Variants in WASHC4 observed in about 807,000 individuals in gnomAD.
The protein encoded by WASHC4 is WASH complex subunit 7.
Under a neutral mutation model 166.6 loss-of-function variants are expected in WASHC4, and 86 were observed. That is an observed-to-expected ratio of 0.52 (90% CI 0.43 to 0.62). The LOEUF (loss-of-function observed/expected upper bound fraction) is 0.62, where lower values mean the gene tolerates loss of function less well. Among genes scored for constraint, WASHC4 ranks in the 20% least tolerant of loss-of-function variants. WASHC4 has a pLI of 0.00. For synonymous variants in WASHC4, 446 were observed against 451.6 expected, an observed-to-expected ratio of 0.99 and a Z score of 0.16; for missense variants, 1,262 against 1,382.4, an observed-to-expected ratio of 0.91 and a Z score of 1.38.
chr12:105,165,673 A>T (rs1209440954), intron 32 of WASHC4, among the ~76,000 whole-genome samples: 1 of 152,140 alleles, frequency 6.6e-6, no homozygotes, highest in Non-Finnish European at 1.5e-5. Flanking sequence ...CTTTATATAG[A>T]GTAGAGGTGA....
At chr12:105,131,088 T>A (rs1055752024) in intron 13 of WASHC4, among the ~76,000 whole-genome samples, 5 of 150,406 alleles carry the variant, frequency 3.3e-5, no homozygotes, top group East Asian at 1.9e-4. Context: ...ATTTATTTTT[T>A]TTTTTTTTTG....
At chr12:105,122,021 AT>A (rs1640107304) in intron 9 of WASHC4, 96 bp from the exon 10 acceptor site, 1 of 831,270 alleles carries the variant, frequency 1.2e-6, no homozygotes, top group Non-Finnish European at 1.9e-6. Context: ...CAAACAAGAA[AT>A]ATAAATATAA....
chr12:105,157,887 C>T (rs1025398167), intron 28 of WASHC4, among the ~76,000 whole-genome samples: 25 of 456 alleles, frequency 0.055, no homozygotes, highest in African/African-American at 0.16. Flanking sequence ...GGACTTGAGT[C>T]AGTTGTGCAT....
chr12:105,157,192 T>G, intron 27 of WASHC4, 44 bp from the exon 28 acceptor site: 1 of 970,202 alleles, frequency 1.0e-6, no homozygotes, highest in Non-Finnish European at 1.7e-6. Flanking sequence ...CAATTGCACA[T>G]ATTTTACTTG....
chr12:105,115,770 G>C, intron 6 of WASHC4, 42 bp downstream of exon 6: 1 of 1,289,154 alleles, frequency 7.8e-7, no homozygotes, highest in East Asian at 2.3e-5. Flanking sequence ...ACTTCAAAAA[G>C]TTTGAGTAAA....
At position 105,147,239 on chromosome 12, in the gene WASHC4, C is replaced by T. The variant is rs963293896; in HGVS notation, c.2514+93C>T. ...CATAGAATATTGCGGTAAACATACA[C>T]TACTAGTTTATATTTTACATGAATT... On this transcript the variant is annotated intron_variant, in intron 24 of 32. Transcript: ENST00000332180. 16 of 772,238 alleles carry T rather than the reference C, an allele frequency of 2.1e-5. No homozygotes were observed. The South Asian group carries it at 2.3e-4, about 11-fold the overall frequency. The allele number at this position is 772,238 out of a possible 1,614,324, so 47.8% of individuals were successfully genotyped here. A position where few individuals can be genotyped will look rare whatever the true frequency, so the allele number is the denominator to read the frequency against.
At chr12:105,133,112 T>TA (rs1030318864) in intron 13 of WASHC4, among the ~76,000 whole-genome samples, 2 of 152,112 alleles carry the variant, frequency 1.3e-5, no homozygotes, top group African/African-American at 4.8e-5. Flanking sequence ...AAATCCCTAC[T>TA]CCTTGTAAGG....
At chr12:105,157,077 TG>T (rs1365197542) in intron 27 of WASHC4, among the ~76,000 whole-genome samples, 158 bp from the exon 28 acceptor site, 1 of 152,220 alleles carries the variant, frequency 6.6e-6, no homozygotes, top group Non-Finnish European at 1.5e-5. Context: ...AAATTCAATT[TG>T]GAACTAAAGT....
At chr12:105,145,888 A>G (rs1883250773) in intron 22 of WASHC4, among the ~76,000 whole-genome samples, 1 of 152,124 alleles carries the variant, frequency 6.6e-6, no homozygotes, top group African/African-American at 2.4e-5. Flanking sequence ...GATCAAAAGA[A>G]GCATAACAGT....
At chr12:105,126,709 A>G (rs1266066594) in intron 12 of WASHC4, among the ~76,000 whole-genome samples, 1 of 152,016 alleles carries the variant, frequency 6.6e-6, no homozygotes, top group East Asian at 1.9e-4. Flanking sequence ...TATTTTCATA[A>G]TGTGGTATCT....
Position 105,107,812 on chromosome 12 carries a change from G to C in WASHC4, c.12G>C (p.Glu4Asp), listed in dbSNP as rs1280801176. The C allele has an allele frequency of 1.9e-6, 3 of 1,550,928 alleles. No individual in the cohort carries two copies. The highest frequency in any genetic ancestry group is 1.4e-5 in the African/African-American group (1 of 73,014). MAV[E>D]TLSPDWEFDR... ...GAGGCGCCGGGGTGATGGCGGTGGA[G>C]ACTCTGTCCCCGGACTGGGAGTTTG... The change falls in exon 1 of 33, where the codon GAG becomes GAC. Residue 4 changes from glutamate (E) to aspartate (D), a missense_variant. Physicochemically the swap from Glu to Asp is conservative, Grantham distance 45 (BLOSUM62 2). Transcript: ENST00000332180.
rs374842566 is a variant in WASHC4 at position 105,118,520 on chromosome 12, C to A, written c.510C>A (p.Ile170=). Reference sequence around the variant, plus strand: ...TCCACCAGTTGGCTGCCCTCTATATCAGTAACAAGTAATGGATTTTAGAAA... The same window carrying A: ...TCCACCAGTTGGCTGCCCTCTATATAAGTAACAAGTAATGGATTTTAGAAA... ...NVVHQLAALY[I]SNKIAPKIIE... is the part of the protein sequence containing the mutation. The change falls in exon 7 of 33, where the codon ATC becomes ATA. Residue 170 remains isoleucine, a synonymous_variant. Coordinates refer to ENST00000332180, the MANE Select transcript of WASHC4 (RefSeq NM_015275.3). 1.1e-5 allele frequency: 17 copies of A among 1,590,900 alleles called. No individual in the cohort carries two copies. In the African/African-American group the frequency reaches 2.1e-4, roughly 20 times the overall value.
At chr12:105,164,817 C>A in intron 32 of WASHC4, 77 bp downstream of exon 32, 1 of 944,726 alleles carries the variant, frequency 1.1e-6, no homozygotes, top group South Asian at 1.4e-5. Context: ...TTTATCTGGT[C>A]AGACATCTAG....
In WASHC4 at chr12:105,115,165, A is replaced by AT; in HGVS notation, c.322-12dup. On this transcript the variant is annotated intron_variant, in intron 4 of 32. Coordinates refer to ENST00000332180, the MANE Select transcript of WASHC4 (RefSeq NM_015275.3). ...CAAAACAACCTTTAAAATTATTTTA[A>AT]TTTTTTTCTTAAAAACAGGCTGAAA... 11 of 1,342,560 alleles carry AT rather than the reference A, an allele frequency of 8.2e-6. No individual in the cohort carries two copies. Among genetic ancestry groups the AT allele is most frequent in the South Asian group, 1.2e-5 (1 of 84,546 alleles). The allele number at this position is 1,342,560 out of a possible 1,614,324, so 83.2% of individuals were successfully genotyped here.
chr12:105,121,221 AT>A lies in WASHC4; in HGVS notation c.665+21del. On this transcript the variant is annotated intron_variant, in intron 9 of 32. Coordinates refer to ENST00000332180, the MANE Select transcript of WASHC4 (RefSeq NM_015275.3). ...GTACAAAAGGTACACCAATTAAAAT[AT>A]TTTAAAATGTTTCTTACTTTGGTTA... 7.2e-7 allele frequency: 1 copy of A among 1,383,798 alleles called. No homozygotes were observed. Among genetic ancestry groups the A allele is most frequent in the Non-Finnish European group, 1.0e-6 (1 of 972,682 alleles). The allele number at this position is 1,383,798 out of a possible 1,614,324, so 85.7% of individuals were successfully genotyped here. A position where few individuals can be genotyped will look rare whatever the true frequency, so the allele number is the denominator to read the frequency against.
In WASHC4 at chr12:105,120,562, C is replaced by A; in HGVS notation, c.526C>A (p.Pro176Thr). 1 of 1,598,496 alleles carries A rather than the reference C, an allele frequency of 6.3e-7. No individual in the cohort carries two copies. Among genetic ancestry groups the A allele is most frequent in the Non-Finnish European group, 8.6e-7 (1 of 1,166,208 alleles). Residue 176 changes from proline to threonine, a missense_variant, in exon 8 of 33, where the codon CCC becomes ACC. Coordinates refer to ENST00000332180, the MANE Select transcript of WASHC4 (RefSeq NM_015275.3). The part of the protein sequence containing the change: ...AALYISNKIA[P>T]KIIETTGVHF... The stretch of plus-strand genomic sequence containing the variant: ...GTTGTTATTTTATTATAGGATTGCA[C>A]CCAAAATTATAGAGACAACTGGAGT...
At chr12:105,133,923 A>AT (rs1882085038) in intron 14 of WASHC4, 27 bp downstream of exon 14, 1 of 1,602,428 alleles carries the variant, frequency 6.2e-7, no homozygotes, top group Non-Finnish European at 8.5e-7. Flanking sequence ...TCGGGGAATC[A>AT]TTTTTTTGTT....
chr12:105,156,523 TATATA>T (rs1884171986), intron 26 of WASHC4, 198 bp from the exon 27 acceptor site: 2 of 325,314 alleles, frequency 6.1e-6, no homozygotes, highest in East Asian at 1.1e-4. Context: ...AATATAGTTA[TATATA>T]AGTATGTATG....
At chr12:105,120,514 A>G (rs1880628406) in intron 7 of WASHC4, 41 bp from the exon 8 acceptor site, 1 of 1,247,248 alleles carries the variant, frequency 8.0e-7, no homozygotes, top group African/African-American at 1.5e-5. Flanking sequence ...AACTATGACA[A>G]AAAGGAAGTT....
Sources: gnomAD v4.1 joint callset for allele counts (sites outside exome capture counted in the v4.1 genomes callset) on GRCh38, gnomAD v4.1.1 for gene constraint, MANE v1.5 for transcripts, NCBI Gene and HGNC (gene_info 2026-07-23, HGNC 2026-07-21) for gene names.